Variants in COG7 observed in about 807,000 individuals in gnomAD.
The protein encoded by COG7 is conserved oligomeric Golgi complex subunit 7.
Under a neutral mutation model 91.5 loss-of-function variants are expected in COG7, and 49 were observed. The observed-to-expected ratio is 0.54, with a 90% CI of 0.43 to 0.68. The LOEUF is 0.68. Ranked by LOEUF, COG7 falls within the 30% of genes least tolerant of loss-of-function variation. The pLI is 0.00. For missense variants in COG7, 895 were observed against 961.3 expected, an observed-to-expected ratio of 0.93 and a Z score of 0.91; for synonymous variants, 365 against 388.7, an observed-to-expected ratio of 0.94 and a Z score of 0.72.
Position 23,442,500 on chromosome 16 carries a change from G to A in COG7, c.581C>T (p.Ala194Val), listed in dbSNP as rs557121999. 49 of 1,614,028 alleles carry A rather than the reference G, an allele frequency of 3.0e-5. No individual in the cohort carries two copies. The highest frequency in any genetic ancestry group is 2.9e-4 in the South Asian group (26 of 91,078). Residue 194 changes from alanine to valine, a missense_variant, in exon 4 of 17, where the codon GCG becomes GTG. Coordinates refer to ENST00000307149, the MANE Select transcript of COG7 (RefSeq NM_153603.4). Reference sequence around the variant, plus strand: ...ACCTACAGCCTGAGAGGTGAATGCCGCTACAATCTGTGGACTGGCTAGGGC... The same window carrying A: ...ACCTACAGCCTGAGAGGTGAATGCCACTACAATCTGTGGACTGGCTAGGGC... The part of the protein sequence containing the change: ...LEALASPQIV[A>V]AFTSQAVDQS...
At chr16:23,432,211 G>A (rs1347272658) in intron 6 of COG7, among the ~76,000 whole-genome samples, 1 of 152,068 alleles carries the variant, frequency 6.6e-6, no homozygotes, top group Non-Finnish European at 1.5e-5. Context: ...AAAGAACAAG[G>A]ATGGAGAAAA....
At chr16:23,451,863 G>C (rs1964271365) in intron 1 of COG7, among the ~76,000 whole-genome samples, 1 of 151,570 alleles carries the variant, frequency 6.6e-6, no homozygotes, top group Admixed American at 6.6e-5. Context: ...GTTTTTTCCA[G>C]ATATATGGAT....
intron 14 of COG7, chr16:23,393,702 T>G (rs1464872947): frequency 1.8e-5 from 5 of 282,266 alleles, no homozygotes; most frequent in Admixed American, 4.9e-5. Context: ...GAAAAACCAG[T>G]AAGATACTAG....
intron 15 of COG7, among the ~76,000 whole-genome samples, chr16:23,392,798 G>A (rs893373120): frequency 1.3e-5 from 2 of 152,104 alleles, no homozygotes; most frequent in Non-Finnish European, 1.5e-5. Context: ...AGGCGTGGTG[G>A]TGCGCGCCTG....
chr16:23,438,395 C>T (rs1964045588), intron 4 of COG7, among the ~76,000 whole-genome samples: 1 of 151,696 alleles, frequency 6.6e-6, no homozygotes, highest in Non-Finnish European at 1.5e-5. Context: ...CCTATCTCTA[C>T]AAAAAACAAA....
chr16:23,452,481 C>A lies in COG7; in HGVS notation c.169+345G>T, dbSNP rs929040467. Among the ~76,000 whole-genome samples the A allele has an allele frequency of 2.6e-5, 4 of 152,116 alleles. No homozygotes were observed. In the South Asian group the frequency reaches 6.2e-4, roughly 24 times the overall value. Reference sequence around the variant, plus strand: ...CTAGCGACTCGAGAGGCGAGAGGATCGCTTGAGTGCAGGAGTTCGAGGCTG... The same window carrying A: ...CTAGCGACTCGAGAGGCGAGAGGATAGCTTGAGTGCAGGAGTTCGAGGCTG... On this transcript the variant is annotated intron_variant, in intron 1 of 16. Coordinates refer to ENST00000307149, the MANE Select transcript of COG7 (RefSeq NM_153603.4).
At position 23,410,315 on chromosome 16, in the gene COG7, G is replaced by A. The variant is rs116153163; in HGVS notation, c.1455C>T (p.Phe485=). ...CCTACCTGTTGGCTAGCTGCTGCTC[G>A]AAGTCCCCACAATGCCGCAAAAGCT... ...CGELLRHCGD[F]EQQLANRILS... The change falls in exon 11 of 17, where the codon TTC becomes TTT. Residue 485 remains phenylalanine (F), a synonymous_variant. Transcript: ENST00000307149. 2.9e-4 allele frequency: 461 copies of A among 1,614,008 alleles called. 2 individuals are homozygous for A. The highest frequency in any genetic ancestry group is 2.1e-3 in the Middle Eastern group (13 of 6,062).
intron 13 of COG7, among the ~76,000 whole-genome samples, chr16:23,400,194 G>A (rs764258123): frequency 3.9e-5 from 6 of 152,126 alleles, no homozygotes; most frequent in Non-Finnish European, 8.8e-5. Flanking sequence ...GGAGGGTTTT[G>A]AATGAGGAGA....
intron 4 of COG7, among the ~76,000 whole-genome samples, chr16:23,440,826 A>G (rs1269263889): frequency 1.3e-5 from 2 of 152,148 alleles, no homozygotes; most frequent in East Asian, 3.8e-4. Context: ...ACTGCAAACC[A>G]GAGTCATGGA....
intron 7 of COG7, among the ~76,000 whole-genome samples, chr16:23,422,188 C>T (rs979486014): frequency 2.6e-5 from 4 of 151,850 alleles, no homozygotes; most frequent in South Asian, 4.2e-4. Flanking sequence ...GGCATGTGCC[C>T]GTGGTCTCAA....
intron 1 of COG7, 96 bp downstream of exon 1, chr16:23,452,730 G>A: frequency 2.0e-6 from 3 of 1,515,240 alleles, no homozygotes; most frequent in South Asian, 1.2e-5. Context: ...CTGTCCATGC[G>A]TGCCCCGCCC....
chr16:23,416,686 T>A (rs777764663), intron 9 of COG7: 1 of 477,390 alleles, frequency 2.1e-6, no homozygotes, highest in Non-Finnish European at 3.8e-6. Flanking sequence ...TTGTCTAAGG[T>A]TTCTTTTTTT....
intron 11 of COG7, among the ~76,000 whole-genome samples, chr16:23,407,396 C>T (rs1166730845): frequency 6.6e-6 from 1 of 152,198 alleles, no homozygotes; most frequent in East Asian, 1.9e-4. Flanking sequence ...ACTGGCTTCC[C>T]CTTCCTCTAG....
At chr16:23,448,867 G>T (rs1236727759) in intron 1 of COG7, among the ~76,000 whole-genome samples, 1 of 152,144 alleles carries the variant, frequency 6.6e-6, no homozygotes, top group Non-Finnish European at 1.5e-5. Context: ...CATAATAACT[G>T]TGCCTACCTC....
chr16:23,443,757 T>C (rs990354831), intron 3 of COG7, among the ~76,000 whole-genome samples: 1 of 152,018 alleles, frequency 6.6e-6, no homozygotes, highest in Non-Finnish European at 1.5e-5. Context: ...GTGTTCACAA[T>C]GAGCTTTGTG....
At chr16:23,422,562 G>A (rs1487931811) in intron 7 of COG7, among the ~76,000 whole-genome samples, 4 of 149,972 alleles carry the variant, frequency 2.7e-5, no homozygotes, top group Non-Finnish European at 5.9e-5. Context: ...TAGATATTAA[G>A]TATATTAATA....
chr16:23,427,918 T>C (rs1963873789), intron 6 of COG7, among the ~76,000 whole-genome samples: 1 of 152,186 alleles, frequency 6.6e-6, no homozygotes, highest in Non-Finnish European at 1.5e-5. Flanking sequence ...GGCTCACACC[T>C]ATAATCCCAG....
intron 10 of COG7, among the ~76,000 whole-genome samples, chr16:23,411,198 T>C (rs1963556046): frequency 6.6e-6 from 1 of 152,186 alleles, no homozygotes; most frequent in Non-Finnish European, 1.5e-5. Context: ...GAATGATCCT[T>C]TAATTTTCAA....
intron 6 of COG7, among the ~76,000 whole-genome samples, chr16:23,429,241 T>TG (rs1963895855): frequency 6.6e-6 from 1 of 151,470 alleles, no homozygotes; most frequent in African/African-American, 2.4e-5. Flanking sequence ...CCTCCTGCCT[T>TG]GGCCTCCCAA....
Sources: allele counts gnomAD v4.1 joint callset (sites outside exome capture counted in the v4.1 genomes callset), GRCh38; gene constraint gnomAD v4.1.1; transcripts MANE v1.5; gene names NCBI Gene and HGNC (gene_info 2026-07-23, HGNC 2026-07-21).